Variants in CSNK2A2IP observed in about 807,000 individuals in gnomAD.
CSNK2A2IP encodes the protein casein kinase 2 subunit alpha' interacting protein.
At chr3:88,400,353 CG>C in the CSNK2A2IP span, among the ~76,000 whole-genome samples, 1 of 151,946 alleles carries the variant, frequency 6.6e-6, no homozygotes, top group Non-Finnish European at 1.5e-5. Flanking sequence ...TCTAATGCTG[CG>C]GGAAATTTTG....
At chr3:88,380,764 T>A in the CSNK2A2IP span, among the ~76,000 whole-genome samples, 3 of 151,210 alleles carry the variant, frequency 2.0e-5, no homozygotes, top group Non-Finnish European at 3.0e-5. Context: ...GAAAAAAAAA[T>A]AAGTGAAAAT....
At chr3:88,357,397 A>G in the CSNK2A2IP span, among the ~76,000 whole-genome samples, 1 of 152,038 alleles carries the variant, frequency 6.6e-6, no homozygotes, top group Non-Finnish European at 1.5e-5. Context: ...GTATTATTTT[A>G]TTCATGGGTT....
the CSNK2A2IP span, among the ~76,000 whole-genome samples, chr3:88,462,900 A>T: frequency 3.9e-5 from 6 of 152,254 alleles, no homozygotes; most frequent in Admixed American, 1.3e-4. Flanking sequence ...AAAAATTAAG[A>T]AGTTAATGAT....
chr3:88,422,675 A>G, the CSNK2A2IP span, among the ~76,000 whole-genome samples: 44,910 of 152,104 alleles, frequency 0.3, 7,069 homozygotes, highest in Admixed American at 0.41. Flanking sequence ...TTCTCAAATA[A>G]ATAGGTTTCT....
the CSNK2A2IP span, among the ~76,000 whole-genome samples, chr3:88,378,476 A>G: frequency 2.6e-5 from 4 of 151,966 alleles, no homozygotes; most frequent in African/African-American, 9.7e-5. Flanking sequence ...GAACTGTTCA[A>G]TACTGTAACT....
At chr3:88,421,521 A>G in the CSNK2A2IP span, among the ~76,000 whole-genome samples, 4 of 152,056 alleles carry the variant, frequency 2.6e-5, no homozygotes, top group African/African-American at 7.2e-5. Flanking sequence ...GGTTCAAGCA[A>G]TTCTCCTACC....
chr3:88,418,437 A>AGTGTGT, the CSNK2A2IP span, among the ~76,000 whole-genome samples: 2,334 of 122,070 alleles, frequency 0.019, 23 homozygotes, highest in Middle Eastern at 0.026. Flanking sequence ...ACTGAATGTC[A>AGTGTGT]GTGTGTGTGT....
the CSNK2A2IP span, among the ~76,000 whole-genome samples, chr3:88,365,421 G>T: frequency 1.3e-5 from 2 of 152,106 alleles, no homozygotes; most frequent in African/African-American, 4.8e-5. Flanking sequence ...TTTGTACTTT[G>T]TCATATTGAA....
At chr3:88,452,939 G>T in the CSNK2A2IP span, among the ~76,000 whole-genome samples, 1 of 152,106 alleles carries the variant, frequency 6.6e-6, no homozygotes, top group Non-Finnish European at 1.5e-5. Flanking sequence ...GTTTGTGCAT[G>T]TATGACAGAT....
the CSNK2A2IP span, among the ~76,000 whole-genome samples, chr3:88,385,495 A>G: frequency 2.1e-5 from 3 of 145,746 alleles, no homozygotes; most frequent in Non-Finnish European, 4.6e-5. Context: ...ACAGTAGTAA[A>G]CAACTATGAA....
chr3:88,400,488 T>C, the CSNK2A2IP span, among the ~76,000 whole-genome samples: 1 of 152,170 alleles, frequency 6.6e-6, no homozygotes, highest in South Asian at 2.1e-4. Flanking sequence ...TTTGCAGGTG[T>C]GATTACATTA....
At chr3:88,442,327 A>G in the CSNK2A2IP span, among the ~76,000 whole-genome samples, 5 of 152,090 alleles carry the variant, frequency 3.3e-5, no homozygotes, top group African/African-American at 1.2e-4. Flanking sequence ...AGCACAAACC[A>G]CTGCGCCTAG....
the CSNK2A2IP span, among the ~76,000 whole-genome samples, chr3:88,436,960 T>A: frequency 6.6e-6 from 1 of 152,186 alleles, no homozygotes; most frequent in Non-Finnish European, 1.5e-5. Flanking sequence ...AGCAACATTG[T>A]CTTCTAGTCA....
the CSNK2A2IP span, among the ~76,000 whole-genome samples, chr3:88,396,646 G>T: frequency 6.6e-6 from 1 of 152,188 alleles, no homozygotes; most frequent in African/African-American, 2.4e-5. Context: ...AGAGAGCGAG[G>T]AGAAGCGCAA....
the CSNK2A2IP span, among the ~76,000 whole-genome samples, chr3:88,399,043 T>A: frequency 6.6e-6 from 1 of 152,030 alleles, no homozygotes; most frequent in African/African-American, 2.4e-5. Flanking sequence ...TGTCAGAGAA[T>A]AAAGACAAAC....
At chr3:88,346,915 C>T in the CSNK2A2IP span, among the ~76,000 whole-genome samples, 8 of 151,860 alleles carry the variant, frequency 5.3e-5, no homozygotes, top group African/African-American at 1.5e-4. Context: ...AAATTAAAAA[C>T]CTTTTTGAAA....
the CSNK2A2IP span, among the ~76,000 whole-genome samples, chr3:88,358,850 T>G: frequency 6.6e-6 from 1 of 152,180 alleles, no homozygotes; most frequent in East Asian, 1.9e-4. Flanking sequence ...CTTTGTAGAA[T>G]GAGTTTGAAA....
chr3:88,450,925 C>T, the CSNK2A2IP span, among the ~76,000 whole-genome samples: 2,522 of 152,068 alleles, frequency 0.017, 26 homozygotes, highest in African/African-American at 0.032. Flanking sequence ...TAGAAATCTC[C>T]GTATTGTTTT....
At chr3:88,411,267 T>C in the CSNK2A2IP span, among the ~76,000 whole-genome samples, 1 of 151,896 alleles carries the variant, frequency 6.6e-6, no homozygotes, top group Non-Finnish European at 1.5e-5. Context: ...GAGGCCATCT[T>C]GTTTCTTCCT....
Sources: allele counts gnomAD v4.1 joint callset (sites outside exome capture counted in the v4.1 genomes callset), GRCh38; gene constraint gnomAD v4.1.1; transcripts MANE v1.5; gene names NCBI Gene and HGNC (gene_info 2026-07-23, HGNC 2026-07-21).